Variants in SOST observed in about 807,000 individuals in gnomAD.
SOST encodes the protein sclerosteosis.
Under a neutral mutation model 16.7 loss-of-function variants are expected in SOST, and 14 were observed. That is an observed-to-expected ratio of 0.84 (90% confidence interval 0.55 to 1.31). The LOEUF is 1.31. Among genes scored for constraint, SOST ranks in the 50% most tolerant of loss-of-function variants. The pLI is 0.00. For synonymous variants in SOST, 150 were observed against 140.9 expected (o/e 1.06, Z -0.46); for missense variants, 291 against 310.7 (o/e 0.94, Z 0.48).
Position 43,755,062 on chromosome 17 carries a change from G to C in SOST, c.*280C>G. On this transcript the variant is annotated 3_prime_UTR_variant, in exon 2 of 2. Coordinates refer to ENST00000301691, the MANE Select transcript of SOST (RefSeq NM_025237.3). This position sits in a 1 kb window ranked among gnomAD's most constrained non-coding sequence, Gnocchi z 4.3. ...TCCATTTCTGCCTCCTCTGAAGTGG[G>C]ACCAGCAAAGGTAGGCGGCCCCAGA... The C allele has an allele frequency of 2.3e-6, 1 of 442,708 alleles. No homozygotes were observed. The highest frequency in any genetic ancestry group is 3.9e-6 in the Non-Finnish European group (1 of 253,428). The allele number at this position is 442,708 out of a possible 1,614,324, so 27.4% of individuals were successfully genotyped here. A position where few individuals can be genotyped will look rare whatever the true frequency, so the allele number is the denominator to read the frequency against.
In SOST at chr17:43,755,414, C is replaced by G; in HGVS notation, c.570G>C (p.Gln190His). Residue 190 changes from glutamine (Q) to histidine (H), a missense_variant, in exon 2 of 2, where the codon CAG becomes CAC. Gln to His is a conservative substitution (Grantham distance 24). Transcript: ENST00000301691. This position sits in a 1 kb window ranked among gnomAD's most constrained non-coding sequence, Gnocchi z 4.3. ...KDFGTEAARP[Q>H]KGRKPRPRAR... Reference sequence around the variant, plus strand: ...CGCGGGGCCGCGGCTTCCGGCCCTTCTGCGGCCGAGCGGCCTCGGTCCCGA... The same window carrying G: ...CGCGGGGCCGCGGCTTCCGGCCCTTGTGCGGCCGAGCGGCCTCGGTCCCGA... 2 of 1,593,072 alleles carry G rather than the reference C, an allele frequency of 1.3e-6. No individual in the cohort carries two copies. Among genetic ancestry groups the G allele is most frequent in the South Asian group, 2.2e-5 (2 of 90,438 alleles).
Position 43,758,586 on chromosome 17 carries a change from G to C in SOST, c.156C>G (p.Asn52Lys). 6 of 1,614,188 alleles carry C rather than the reference G, an allele frequency of 3.7e-6. No individual in the cohort carries two copies. Among genetic ancestry groups the C allele is most frequent in the Non-Finnish European group, 5.1e-6 (6 of 1,180,034 alleles). The stretch of plus-strand genomic sequence containing the variant: ...TCTCCGCCCGGTTCATGGTCTTGTT[G>C]TTCTCCAGCTCCGGTGGAGGCTCGG... The part of the protein sequence containing the change: ...EYPEPPPELE[N>K]NKTMNRAENG... Residue 52 changes from asparagine to lysine, a missense_variant, in exon 1 of 2, where the codon AAC (asparagine) becomes AAG (lysine). Asn to Lys is a moderately conservative substitution (Grantham distance 94). Coordinates refer to ENST00000301691, the MANE Select transcript of SOST (RefSeq NM_025237.3).
At position 43,755,553 on chromosome 17, in the gene SOST, ACGCGCTGCG is replaced by A; in HGVS notation, c.422_430del (p.Ala141_Arg143del). 1 of 1,594,930 alleles carries A rather than the reference ACGCGCTGCG, an allele frequency of 6.3e-7. No individual in the cohort carries two copies. The highest frequency in any genetic ancestry group is 8.5e-7 in the Non-Finnish European group (1 of 1,176,470). On this transcript the variant is annotated inframe_deletion, in exon 2 of 2. Transcript: ENST00000301691. This position sits in a 1 kb window ranked among gnomAD's most constrained non-coding sequence, Gnocchi z 4.3. ...CTCACCACCGGGACACAGCAGCTGC[ACGCGCTGCG>A]CGCGGTAGCGGTCGGGGATGCAGCG...
Position 43,755,827 on chromosome 17 carries a change from G to A in SOST, c.221-64C>T, listed in dbSNP as rs1037054580. On this transcript the variant is annotated intron_variant, in intron 1 of 1. Coordinates refer to ENST00000301691, the MANE Select transcript of SOST (RefSeq NM_025237.3). The surrounding 1 kb of genome is among the most constrained non-coding windows in gnomAD (Gnocchi z 4.3). ...GGCCACCCCTGCCCTGGACCGGCCC[G>A]TCTCTCTCCACCCCAGCCCTGCTTT... The A allele has an allele frequency of 1.3e-5, 19 of 1,511,820 alleles. No individual in the cohort carries two copies. The highest frequency in any genetic ancestry group is 5.6e-5 in the African/African-American group (4 of 71,844). 93.7% of individuals were successfully genotyped at this position (1,511,820 alleles called of 1,614,324 possible).
chr17:43,756,291 C>G (rs1443947230), intron 1 of SOST, among the ~76,000 whole-genome samples: 1 of 152,052 alleles, frequency 6.6e-6, no homozygotes, highest in East Asian at 1.9e-4. Context: ...CCTTTTCCAG[C>G]CACTTGGGAG....
Position 43,755,695 on chromosome 17 carries a change from C to T in SOST, c.289G>A (p.Ala97Thr). ...RYVTDGPCRS[A>T]KPVTELVCSG... Reference sequence around the variant, plus strand: ...CACACCAGCTCGGTGACCGGCTTGGCGCTGCGGCACGGCCCATCGGTCACG... The same window carrying T: ...CACACCAGCTCGGTGACCGGCTTGGTGCTGCGGCACGGCCCATCGGTCACG... Residue 97 changes from alanine (A) to threonine (T), a missense_variant, in exon 2 of 2, where the codon GCC becomes ACC. Coordinates refer to ENST00000301691, the MANE Select transcript of SOST (RefSeq NM_025237.3). This position sits in a 1 kb window ranked among gnomAD's most constrained non-coding sequence, Gnocchi z 4.3. 6.4e-7 allele frequency: 1 copy of T among 1,562,600 alleles called. No individual in the cohort carries two copies. Among genetic ancestry groups the T allele is most frequent in the Non-Finnish European group, 8.6e-7 (1 of 1,162,650 alleles).
At chr17:43,757,439 T>C in intron 1 of SOST, among the ~76,000 whole-genome samples, 1 of 152,076 alleles carries the variant, frequency 6.6e-6, no homozygotes, top group African/African-American at 2.4e-5. Context: ...TAGCACCCCA[T>C]AGTCCCAACA....
chr17:43,758,688 G>A lies in SOST; in HGVS notation c.54C>T (p.Phe18=). The A allele has an allele frequency of 2.5e-6, 4 of 1,614,142 alleles. No homozygotes were observed. ...CLVCLLVHTA[F]RVVEGQGWQA... is the part of the protein sequence containing the mutation. ...GCCACCCCTGGCCCTCCACTACACG[G>A]AAGGCTGTGTGTACCAGCAGGCAGA... is the stretch of plus-strand genomic sequence containing the variant. Residue 18 remains phenylalanine, a synonymous_variant, in exon 1 of 2, where the codon TTC becomes TTT. Transcript: ENST00000301691.
rs1042124713 is a variant in SOST, at chr17:43,755,076, G to A, written c.*266C>T. 2.1e-4 allele frequency: 97 copies of A among 456,868 alleles called. 1 individual carries two copies. The highest frequency in any genetic ancestry group is 7.6e-5 in the Non-Finnish European group (20 of 262,178). 28.3% of individuals were successfully genotyped at this position (456,868 alleles called of 1,614,324 possible). On this transcript the variant is annotated 3_prime_UTR_variant, in exon 2 of 2. Coordinates refer to ENST00000301691, the MANE Select transcript of SOST (RefSeq NM_025237.3). The surrounding 1 kb of genome is among the most constrained non-coding windows in gnomAD (Gnocchi z 4.3). ...CTCTGAAGTGGGACCAGCAAAGGTA[G>A]GCGGCCCCAGAGGCGGGGCTGCGTG... is the stretch of plus-strand genomic sequence containing the variant.
Position 43,753,767 on chromosome 17 carries a change from C to G in SOST, c.*1575G>C, listed in dbSNP as rs1217095500. The G allele has an allele frequency of 6.6e-6, 1 of 152,598 alleles. No individual in the cohort carries two copies. The highest frequency in any genetic ancestry group is 1.5e-5 in the Non-Finnish European group (1 of 68,032). 9.5% of individuals were successfully genotyped at this position (152,598 alleles called of 1,614,324 possible). Reference sequence around the variant, plus strand: ...GATTCATTGTCTTTATTAACAATGTCTCTGGACTCTGGAAGAACAGACTGT... The same window carrying G: ...GATTCATTGTCTTTATTAACAATGTGTCTGGACTCTGGAAGAACAGACTGT... On this transcript the variant is annotated 3_prime_UTR_variant, in exon 2 of 2. Coordinates refer to ENST00000301691, the MANE Select transcript of SOST (RefSeq NM_025237.3).
Position 43,758,613 on chromosome 17 carries a change from G to A in SOST, c.129C>T (p.Tyr43=), listed in dbSNP as rs771058284. The A allele has an allele frequency of 4.3e-6, 7 of 1,614,022 alleles. No individual in the cohort carries two copies. Among genetic ancestry groups the A allele is most frequent in the African/African-American group, 2.7e-5 (2 of 74,908 alleles). ...ATEIIPELGE[Y]PEPPPELENN... The stretch of plus-strand genomic sequence containing the variant: ...TCTCCAGCTCCGGTGGAGGCTCGGG[G>A]TACTCTCCGAGCTCGGGGATGATTT... Residue 43 remains tyrosine, a synonymous_variant, in exon 1 of 2, where the codon TAC becomes TAT. Transcript: ENST00000301691.
Position 43,755,860 on chromosome 17 carries a change from C to T in SOST, c.221-97G>A, listed in dbSNP as rs1598296221. ...CCACCCCAGCCCTGCTTTTGCCAAG[C>T]CTGTCTCCAGAGGCTTTTGCCCCTG... is the stretch of plus-strand genomic sequence containing the variant. On this transcript the variant is annotated intron_variant, in intron 1 of 1. Transcript: ENST00000301691. This position sits in a 1 kb window ranked among gnomAD's most constrained non-coding sequence, Gnocchi z 4.3. 1.4e-6 allele frequency: 2 copies of T among 1,406,748 alleles called. No individual in the cohort carries two copies. Among genetic ancestry groups the T allele is most frequent in the African/African-American group, 1.5e-5 (1 of 68,788 alleles). 87.1% of individuals were successfully genotyped at this position (1,406,748 alleles called of 1,614,324 possible).
In SOST at chr17:43,755,055, G is replaced by T; in HGVS notation, c.*287C>A. On this transcript the variant is annotated 3_prime_UTR_variant, in exon 2 of 2. Coordinates refer to ENST00000301691, the MANE Select transcript of SOST (RefSeq NM_025237.3). This position sits in a 1 kb window ranked among gnomAD's most constrained non-coding sequence, Gnocchi z 4.3. ...AAATGCTTCCATTTCTGCCTCCTCTGAAGTGGGACCAGCAAAGGTAGGCGG... is the reference window on the plus strand; with the variant it reads ...AAATGCTTCCATTTCTGCCTCCTCTTAAGTGGGACCAGCAAAGGTAGGCGG... 1 of 433,016 alleles carries T rather than the reference G, an allele frequency of 2.3e-6. No homozygotes were observed. The highest frequency in any genetic ancestry group is 4.9e-5 in the South Asian group (1 of 20,284). The allele number at this position is 433,016 out of a possible 1,614,324, so 26.8% of individuals were successfully genotyped here. A position where few individuals can be genotyped will look rare whatever the true frequency, so the allele number is the denominator to read the frequency against.
In SOST at chr17:43,754,051, T is replaced by G. The variant is rs1355816757; in HGVS notation, c.*1291A>C. 7.9e-6 allele frequency: 1 copy of G among 126,236 alleles called. No individual in the cohort carries two copies. Among genetic ancestry groups the G allele is most frequent in the Non-Finnish European group, 1.6e-5 (1 of 60,712 alleles). 7.8% of individuals were successfully genotyped at this position (126,236 alleles called of 1,614,324 possible). Reference sequence around the variant, plus strand: ...AAGTAAGAGGTTGTCTGGAAATGATTTTCAAAAAGATTTTTGGGTGGCAGT... The same window carrying G: ...AAGTAAGAGGTTGTCTGGAAATGATGTTCAAAAAGATTTTTGGGTGGCAGT... On this transcript the variant is annotated 3_prime_UTR_variant, in exon 2 of 2. Coordinates refer to ENST00000301691, the MANE Select transcript of SOST (RefSeq NM_025237.3).
At chr17:43,757,085 G>T (rs935402609) in intron 1 of SOST, among the ~76,000 whole-genome samples, 2 of 152,250 alleles carry the variant, frequency 1.3e-5, no homozygotes, top group Admixed American at 6.5e-5. Context: ...TCTGTGGGCT[G>T]GTTTGCATCC....
chr17:43,755,714 G>A lies in SOST; in HGVS notation c.270C>T (p.Thr90=). The change falls in exon 2 of 2, where the codon ACC becomes ACT. Residue 90 remains threonine, a synonymous_variant. Coordinates refer to ENST00000301691, the MANE Select transcript of SOST (RefSeq NM_025237.3). This position sits in a 1 kb window ranked among gnomAD's most constrained non-coding sequence, Gnocchi z 4.3. ...GCTTGGCGCTGCGGCACGGCCCATCGGTCACGTAGCGGGTGAAGTGCAGCT... is the reference window on the plus strand; with the variant it reads ...GCTTGGCGCTGCGGCACGGCCCATCAGTCACGTAGCGGGTGAAGTGCAGCT... ...CRELHFTRYV[T]DGPCRSAKPV... 2.5e-6 allele frequency: 4 copies of A among 1,572,704 alleles called. No homozygotes were observed. The highest frequency in any genetic ancestry group is 1.2e-5 in the South Asian group (1 of 86,916).
At position 43,755,681 on chromosome 17, in the gene SOST, GGT is replaced by G; in HGVS notation, c.301_302del (p.Thr101ArgfsTer27). On this transcript the variant is annotated frameshift_variant, in exon 2 of 2. Transcript: ENST00000301691. LOFTEE classifies it high-confidence loss of function. This position sits in a 1 kb window ranked among gnomAD's most constrained non-coding sequence, Gnocchi z 4.3. The stretch of plus-strand genomic sequence containing the variant: ...CGCACTGGCCGGAGCACACCAGCTC[GGT>G]GACCGGCTTGGCGCTGCGGCACGGC... ...DGPCRSAKPV[T>X]ELVCSGQCGP... 6.4e-7 allele frequency: 1 copy of G among 1,568,144 alleles called. No individual in the cohort carries two copies.
chr17:43,755,798 G>A lies in SOST; in HGVS notation c.221-35C>T. On this transcript the variant is annotated intron_variant, in intron 1 of 1. Transcript: ENST00000301691. The surrounding 1 kb of genome is among the most constrained non-coding windows in gnomAD (Gnocchi z 4.3). ...GAGGCGCGCGTGAGGGTGGCCGCCC[G>A]CCTGGCCACCCCTGCCCTGGACCGG... 1.3e-6 allele frequency: 2 copies of A among 1,551,556 alleles called. No individual in the cohort carries two copies. The highest frequency in any genetic ancestry group is 1.7e-6 in the Non-Finnish European group (2 of 1,157,410).
At chr17:43,756,124 A>C (rs941118913) in intron 1 of SOST, among the ~76,000 whole-genome samples, 4 of 152,350 alleles carry the variant, frequency 2.6e-5, no homozygotes, top group Non-Finnish European at 5.9e-5. Context: ...ACCATTTGGC[A>C]CATATAGCTG....
Sources: gnomAD v4.1 joint callset for allele counts (sites outside exome capture counted in the v4.1 genomes callset) on GRCh38, gnomAD v4.1.1 for gene constraint, Gnocchi (gnomAD v3.1) non-coding constraint, MANE v1.5 for transcripts, NCBI Gene and HGNC (gene_info 2026-07-23, HGNC 2026-07-21) for gene names.